ROR1: variants seen among roughly 807,000 people sequenced by gnomAD.
ROR1 encodes inactive tyrosine-protein kinase transmembrane receptor ROR1.
In ROR1, 19 loss-of-function variants were observed where a neutral mutation model predicts 78.8. That is an observed-to-expected ratio of 0.24 (90% CI 0.17 to 0.35). The LOEUF is 0.35. ROR1 is among the 10% of genes least tolerant of loss of function. ROR1 has a pLI of 1.00. For missense variants in ROR1, 917 were observed against 1,177.8 expected (o/e 0.78, Z 3.24); for synonymous variants, 386 against 433.6 (o/e 0.89, Z 1.36).
chr1:64,060,620 CA>C (rs1646909603), intron 4 of ROR1, among the ~76,000 whole-genome samples: 1 of 152,138 alleles, frequency 6.6e-6, no homozygotes, highest in Non-Finnish European at 1.5e-5. Context: ...TCAAGCAGTT[CA>C]GGGGGGAGGC....
At chr1:63,888,938 A>G (rs1475753991) in intron 1 of ROR1, among the ~76,000 whole-genome samples, 2 of 152,114 alleles carry the variant, frequency 1.3e-5, no homozygotes, top group Admixed American at 6.6e-5. Context: ...TCATTATCTC[A>G]TATAGTTTCT....
chr1:63,838,690 G>A lies in ROR1; in HGVS notation c.91+64182G>A, dbSNP rs368265791. On this transcript the variant is annotated intron_variant, in intron 1 of 8. Coordinates refer to ENST00000371079, the MANE Select transcript of ROR1 (RefSeq NM_005012.4). ...AGAAAGAAAATACTTTATAAATCTA[G>A]TGTAGCCTAGGGGTACAGTGTTTAT... Among the ~76,000 whole-genome samples the A allele has an allele frequency of 3.4e-4, 52 of 152,234 alleles. 1 individual carries two copies. In the South Asian group the frequency reaches 0.011, roughly 31 times the overall value.
chr1:63,998,929 T>C (rs1455944931), intron 1 of ROR1, among the ~76,000 whole-genome samples: 1 of 152,210 alleles, frequency 6.6e-6, no homozygotes, highest in Non-Finnish European at 1.5e-5. Flanking sequence ...CAAGAGCTGA[T>C]GGTTTTATAA....
intron 4 of ROR1, among the ~76,000 whole-genome samples, chr1:64,109,572 A>G (rs1488848163): frequency 6.6e-6 from 1 of 152,064 alleles, no homozygotes; most frequent in African/African-American, 2.4e-5. Context: ...AAAGTTACTT[A>G]TCCTTTCTGA....
At chr1:64,118,380 G>A (rs962804257) in intron 4 of ROR1, among the ~76,000 whole-genome samples, 2 of 152,010 alleles carry the variant, frequency 1.3e-5, no homozygotes, top group African/African-American at 4.8e-5. Context: ...TGTAATCCCA[G>A]CACTTTGGGA....
intron 1 of ROR1, among the ~76,000 whole-genome samples, chr1:63,880,407 T>G (rs1231557262): frequency 1.3e-5 from 2 of 152,094 alleles, no homozygotes; most frequent in East Asian, 3.9e-4. Flanking sequence ...GGTAATAGTT[T>G]CCCAGCTGGA....
chr1:63,870,254 C>A (rs1440987538), intron 1 of ROR1, among the ~76,000 whole-genome samples: 1 of 152,184 alleles, frequency 6.6e-6, no homozygotes. Flanking sequence ...TTAATCATGT[C>A]TGCATGCGGA....
rs569875560 is a variant in ROR1, at chr1:63,796,248, A to G, written c.91+21740A>G. 2.6e-5 allele frequency among the ~76,000 whole-genome samples: 4 copies of G among 152,206 alleles called. No homozygotes were observed. The South Asian group carries it at 8.3e-4, about 32-fold the overall frequency. On this transcript the variant is annotated intron_variant, in intron 1 of 8. Transcript: ENST00000371079. ...AAACTTGAGTTTATCTCCTAGCCCT[A>G]CCTCTAACTAGCTGTGTGGCCCCAC...
chr1:63,774,491 G>T lies in ROR1; in HGVS notation c.74G>T (p.Arg25Leu). Reference sequence around the variant, plus strand: ...CTGGCCGCGCTGCTGCTGGCCGCACGCGGGGCTGCTGCCCAAGGTAAGAGG... The same window carrying T: ...CTGGCCGCGCTGCTGCTGGCCGCACTCGGGGCTGCTGCCCAAGGTAAGAGG... ...ALLAALLLAA[R>L]GAAAQETELS... is the part of the protein sequence containing the mutation. Residue 25 changes from arginine to leucine, a missense_variant, in exon 1 of 9, where the codon CGC (arginine) becomes CTC (leucine). Arg to Leu is a moderately radical substitution (Grantham distance 102). Around this residue, in one of 3 missense-constraint regions of ROR1, gnomAD observed 63 missense variants for 57.0 expected, o/e 1.10. Coordinates refer to ENST00000371079, the MANE Select transcript of ROR1 (RefSeq NM_005012.4). This position sits in a 1 kb window ranked among gnomAD's most constrained non-coding sequence, Gnocchi z 5.7. The T allele has an allele frequency of 8.7e-7, 1 of 1,145,694 alleles. No homozygotes were observed. The highest frequency in any genetic ancestry group is 1.1e-6 in the Non-Finnish European group (1 of 937,220). The allele number at this position is 1,145,694 out of a possible 1,614,324, so 71.0% of individuals were successfully genotyped here. A position where few individuals can be genotyped will look rare whatever the true frequency, so the allele number is the denominator to read the frequency against.
chr1:64,014,713 CTA>C lies in ROR1; in HGVS notation c.163+5350_163+5351del, dbSNP rs112423773. Reference sequence around the variant, plus strand: ...GCAAATAGTTCTCTGTGCTGACAGACTATATATATATATACACATACGCACAC... The same window carrying C: ...GCAAATAGTTCTCTGTGCTGACAGACTATATATATATACACATACGCACAC... On this transcript the variant is annotated intron_variant, in intron 2 of 8. Transcript: ENST00000371079. Among the ~76,000 whole-genome samples the C allele has an allele frequency of 4.1e-4, 12 of 29,308 alleles. 1 individual carries two copies. The highest frequency in any genetic ancestry group is 8.0e-4 in the African/African-American group (11 of 13,690). 19.2% of individuals were successfully genotyped at this position (29,308 alleles called of 152,430 possible). A position where few individuals can be genotyped will look rare whatever the true frequency, so the allele number is the denominator to read the frequency against.
intron 1 of ROR1, among the ~76,000 whole-genome samples, chr1:63,899,525 T>G (rs1569879538): frequency 6.6e-6 from 1 of 152,280 alleles, no homozygotes; most frequent in South Asian, 2.1e-4. Flanking sequence ...GTGTCTTGTT[T>G]ATGCTGCCTG....
chr1:64,139,454 G>T (rs1649231011), intron 5 of ROR1, among the ~76,000 whole-genome samples: 1 of 152,136 alleles, frequency 6.6e-6, no homozygotes, highest in Non-Finnish European at 1.5e-5. Context: ...GTCAATAGCG[G>T]TATTCAAAGG....
chr1:64,153,969 A>G (rs1649700723), intron 7 of ROR1, among the ~76,000 whole-genome samples: 1 of 152,234 alleles, frequency 6.6e-6, no homozygotes, highest in Non-Finnish European at 1.5e-5. Flanking sequence ...GAGGAAACTG[A>G]GGCCCTGAGA....
rs938497411 is a variant in ROR1, at chr1:64,058,662, C to G, written c.482+7946C>G. Among the ~76,000 whole-genome samples, 7 of 151,232 alleles carry G rather than the reference C, an allele frequency of 4.6e-5. No homozygotes were observed. In the South Asian group the frequency reaches 1.0e-3, roughly 23 times the overall value. On this transcript the variant is annotated intron_variant, in intron 4 of 8. Coordinates refer to ENST00000371079, the MANE Select transcript of ROR1 (RefSeq NM_005012.4). ...ATTAATTGATTTTTGCATGTTAAAC[C>G]AAGCTTGTATTAGAATAATTCCTAC...
chr1:64,024,433 A>G (rs1312585825), intron 2 of ROR1, among the ~76,000 whole-genome samples: 1 of 152,182 alleles, frequency 6.6e-6, no homozygotes. Flanking sequence ...GTGAGCCGAG[A>G]TTGCACCACT....
At chr1:63,778,537 G>T (rs1048544946) in intron 1 of ROR1, among the ~76,000 whole-genome samples, 8 of 152,166 alleles carry the variant, frequency 5.3e-5, no homozygotes, top group Admixed American at 1.3e-4. Context: ...GCTGTTAATT[G>T]GGCCTGAGAG....
At chr1:64,139,911 T>C (rs1025665454) in intron 5 of ROR1, among the ~76,000 whole-genome samples, 198 bp from the exon 6 acceptor site, 1 of 152,232 alleles carries the variant, frequency 6.6e-6, no homozygotes, top group African/African-American at 2.4e-5. Context: ...TTATTAACTT[T>C]GTAGTCAAAA....
In ROR1 at chr1:63,975,109, A is replaced by T. The variant is rs1346787071; in HGVS notation, c.92-34196A>T. 1.3e-5 allele frequency among the ~76,000 whole-genome samples: 2 copies of T among 152,298 alleles called. 1 individual carries two copies. The highest frequency in any genetic ancestry group is 3.9e-4 in the East Asian group (2 of 5,176). On this transcript the variant is annotated intron_variant, in intron 1 of 8. Transcript: ENST00000371079. Reference sequence around the variant, plus strand: ...TTTGCCCAGTAGGCAATTGGCCAGAACTGCTCTACAGTGGCCCAACTTACA... The same window carrying T: ...TTTGCCCAGTAGGCAATTGGCCAGATCTGCTCTACAGTGGCCCAACTTACA...
At chr1:63,850,533 G>A (rs1439880714) in intron 1 of ROR1, among the ~76,000 whole-genome samples, 1 of 150,676 alleles carries the variant, frequency 6.6e-6, no homozygotes, top group Non-Finnish European at 1.5e-5. Context: ...GATATTGGAA[G>A]TATTTTTAGA....
Sources: allele counts gnomAD v4.1 joint callset (sites outside exome capture counted in the v4.1 genomes callset), GRCh38; gene constraint gnomAD v4.1.1; regional missense constraint gnomAD v4.1.1; non-coding constraint Gnocchi (gnomAD v3.1); transcripts MANE v1.5; gene names NCBI Gene and HGNC (gene_info 2026-07-23, HGNC 2026-07-21).